EXD3: variants seen among roughly 807,000 people sequenced by gnomAD.
EXD3 encodes the protein exonuclease mut-7 homolog.
A neutral mutation model predicts 98.0 loss-of-function variants in EXD3; 92 were observed. The observed-to-expected ratio is 0.94, with a 90% CI of 0.79 to 1.12. The LOEUF is 1.12. Ranked by LOEUF, EXD3 falls within the 50% of genes most tolerant of loss-of-function variation. The pLI is 0.00. For missense variants in EXD3, 1,222 were observed against 1,191.6 expected, an observed-to-expected ratio of 1.03 and a Z score of -0.38; for synonymous variants, 569 against 526.0, an observed-to-expected ratio of 1.08 and a Z score of -1.12.
chr9:137,330,524 A>G lies in EXD3; in HGVS notation c.1999-6381T>C, dbSNP rs540204260. ...GCTACACAGGACTACGCAGGACCACACAGGAGCTATACAGGAGCTACACAG... is the reference window on the plus strand; with the variant it reads ...GCTACACAGGACTACGCAGGACCACGCAGGAGCTATACAGGAGCTACACAG... On this transcript the variant is annotated intron_variant, in intron 17 of 21. Transcript: ENST00000340951. 2.7e-5 allele frequency among the ~76,000 whole-genome samples: 4 copies of G among 145,672 alleles called. No homozygotes were observed. In the South Asian group the frequency reaches 6.9e-4, roughly 25 times the overall value.
intron 19 of EXD3, among the ~76,000 whole-genome samples, chr9:137,310,009 G>C (rs1301214085): frequency 6.6e-6 from 1 of 152,226 alleles, no homozygotes; most frequent in Admixed American, 6.5e-5. Context: ...ACCAGGTCTG[G>C]GTCCCCCGTG....
At chr9:137,415,099 G>A (rs1215637161) in intron 1 of EXD3, among the ~76,000 whole-genome samples, 1 of 152,060 alleles carries the variant, frequency 6.6e-6, no homozygotes, top group Non-Finnish European at 1.5e-5. Context: ...TGTTGGCCAG[G>A]ATGGTCTTGA....
chr9:137,391,586 G>A (rs1024794223), intron 2 of EXD3, among the ~76,000 whole-genome samples: 5 of 74,932 alleles, frequency 6.7e-5, no homozygotes, highest in South Asian at 4.3e-4. Flanking sequence ...ACCGCCCGCC[G>A]GCCCTGGTGA....
intron 6 of EXD3, among the ~76,000 whole-genome samples, chr9:137,367,395 C>T (rs570698639): frequency 1.6e-4 from 25 of 152,238 alleles, no homozygotes; most frequent in African/African-American, 5.3e-4. Flanking sequence ...TGGCTCTGCC[C>T]GAGGGGTGCT....
Position 137,372,759 on chromosome 9 carries a change from C to T in EXD3, c.462+146G>A, listed in dbSNP as rs1426291775. On this transcript the variant is annotated intron_variant, in intron 5 of 21. Transcript: ENST00000340951. ...CCGGCACCCCGCACACAGCTGATGG[C>T]TGCCCACGGCCGGGTCCTTGATACC... 8.5e-6 allele frequency: 7 copies of T among 822,254 alleles called. No individual in the cohort carries two copies. In the East Asian group the frequency reaches 1.4e-4, roughly 16 times the overall value. 50.9% of individuals were successfully genotyped at this position (822,254 alleles called of 1,614,324 possible).
intron 1 of EXD3, among the ~76,000 whole-genome samples, chr9:137,415,324 C>G (rs992308105): frequency 2.6e-5 from 4 of 152,222 alleles, no homozygotes; most frequent in African/African-American, 9.6e-5. Context: ...CTGCCTCAGC[C>G]TCCTGAGTGG....
At chr9:137,383,428 A>G in intron 2 of EXD3, 51 bp from the exon 3 acceptor site, 1 of 1,375,108 alleles carries the variant, frequency 7.3e-7, no homozygotes, top group Non-Finnish European at 9.9e-7. Flanking sequence ...TGCAGGGGCT[A>G]TCGCACAGCC....
intron 5 of EXD3, among the ~76,000 whole-genome samples, chr9:137,370,966 G>A (rs956332644): frequency 2.0e-5 from 3 of 152,172 alleles, no homozygotes; most frequent in African/African-American, 7.2e-5. Flanking sequence ...CAGCTAATCC[G>A]AGCGGACAGG....
In EXD3 at chr9:137,358,888, G is replaced by A. The variant is rs574610137; in HGVS notation, c.657-2520C>T. On this transcript the variant is annotated intron_variant, in intron 7 of 21. Coordinates refer to ENST00000340951, the MANE Select transcript of EXD3 (RefSeq NM_017820.5). ...TTTTGTAGAGACGGGGTTTTGTCACGTTGCTCAGGCTGGTTTCAAACTCCT... is the reference window on the plus strand; with the variant it reads ...TTTTGTAGAGACGGGGTTTTGTCACATTGCTCAGGCTGGTTTCAAACTCCT... Among the ~76,000 whole-genome samples the A allele has an allele frequency of 1.2e-3, 181 of 150,422 alleles. 1 individual carries two copies. Among genetic ancestry groups the A allele is most frequent in the Non-Finnish European group, 2.2e-3 (151 of 67,730 alleles).
At chr9:137,394,765 T>G (rs1439813003) in intron 2 of EXD3, among the ~76,000 whole-genome samples, 1 of 152,184 alleles carries the variant, frequency 6.6e-6, no homozygotes, top group Admixed American at 6.5e-5. Context: ...TTTCTCTTTT[T>G]TAACCTGAAA....
Position 137,416,835 on chromosome 9 carries a change from C to T in EXD3, c.-48+6279G>A, listed in dbSNP as rs112632672. ...CGCAGGGGTGCTCTTGGAGGCGCCC[C>T]GGGCAGGAGCCGCTCCCACCTGGAG... On this transcript the variant is annotated intron_variant, in intron 1 of 21. Transcript: ENST00000340951. Among the ~76,000 whole-genome samples, 779 of 152,334 alleles carry T rather than the reference C, an allele frequency of 5.1e-3. 6 individuals are homozygous for T. Among genetic ancestry groups the T allele is most frequent in the African/African-American group, 0.018 (738 of 41,580 alleles).
chr9:137,352,506 T>A (rs1564503509), intron 11 of EXD3, 114 bp downstream of exon 11: 1 of 1,130,938 alleles, frequency 8.8e-7, no homozygotes. Flanking sequence ...TTGTTTTGTC[T>A]TGATTTCTAA....
rs1834171574 is a variant in EXD3, at chr9:137,349,946, TGCTAGGGGC to T, written c.1495-424_1495-416del. ...CACCCCCGGGGGGCTCTAGTGCTCATGCTAGGGGCGCTCCACGTGTGTGTCTGGGGTGGC... is the reference window on the plus strand; with the variant it reads ...CACCCCCGGGGGGCTCTAGTGCTCATGCTCCACGTGTGTGTCTGGGGTGGC... On this transcript the variant is annotated intron_variant, in intron 14 of 21. Transcript: ENST00000340951. This position sits in a 1 kb window ranked among gnomAD's most constrained non-coding sequence, Gnocchi z 7.4. 6.7e-6 allele frequency among the ~76,000 whole-genome samples: 1 copy of T among 150,138 alleles called. No homozygotes were observed. The highest frequency in any genetic ancestry group is 1.5e-5 in the Non-Finnish European group (1 of 67,742).
At chr9:137,339,999 A>G (rs1833562660) in intron 17 of EXD3, among the ~76,000 whole-genome samples, 1 of 152,234 alleles carries the variant, frequency 6.6e-6, no homozygotes, top group African/African-American at 2.4e-5. Context: ...TGGACAACCA[A>G]TTCAGTAAGA....
At position 137,371,006 on chromosome 9, in the gene EXD3, G is replaced by A. The variant is rs928198214; in HGVS notation, c.462+1899C>T. Among the ~76,000 whole-genome samples the A allele has an allele frequency of 9.8e-5, 15 of 152,314 alleles. No homozygotes were observed. The highest frequency in any genetic ancestry group is 1.9e-4 in the East Asian group (1 of 5,172). On this transcript the variant is annotated intron_variant, in intron 5 of 21. Transcript: ENST00000340951. This position sits in a 1 kb window ranked among gnomAD's most constrained non-coding sequence, Gnocchi z 8.0. ...AATGCGGCCTCTTTCGGCCGGGCGC[G>A]GCGGTGAGCAGTGGAGCATGCATCG...
At chr9:137,375,663 C>CAT in intron 3 of EXD3, among the ~76,000 whole-genome samples, 1 of 151,756 alleles carries the variant, frequency 6.6e-6, no homozygotes, top group Non-Finnish European at 1.5e-5. Flanking sequence ...CTAGCTCTAG[C>CAT]GAGTTCTAGC....
In EXD3 at chr9:137,383,233, C is replaced by T; in HGVS notation, c.120+80G>A. On this transcript the variant is annotated intron_variant, in intron 3 of 21. Coordinates refer to ENST00000340951, the MANE Select transcript of EXD3 (RefSeq NM_017820.5). ...TGTGCAGCTTCCTGACCAGGGAGGC[C>T]TCCTGTTAGGCCAGTCTCTGCCCAA... The T allele has an allele frequency of 4.9e-6, 6 of 1,229,944 alleles. No homozygotes were observed. The Middle Eastern group carries it at 5.6e-4, about 115-fold the overall frequency. The allele number at this position is 1,229,944 out of a possible 1,614,324, so 76.2% of individuals were successfully genotyped here.
intron 17 of EXD3, among the ~76,000 whole-genome samples, chr9:137,327,388 C>A (rs1832478819): frequency 6.6e-6 from 1 of 152,140 alleles, no homozygotes; most frequent in Non-Finnish European, 1.5e-5. Context: ...CCGCGTCGGC[C>A]TCCCAAAGTG....
intron 5 of EXD3, among the ~76,000 whole-genome samples, chr9:137,368,357 TC>T (rs1469587636): frequency 1.3e-5 from 2 of 152,086 alleles, no homozygotes; most frequent in African/African-American, 4.8e-5. Flanking sequence ...AGCCGTGACC[TC>T]CCACACGACC....
Sources: gnomAD v4.1 joint callset for allele counts (sites outside exome capture counted in the v4.1 genomes callset) on GRCh38, gnomAD v4.1.1 for gene constraint, Gnocchi (gnomAD v3.1) non-coding constraint, MANE v1.5 for transcripts, NCBI Gene and HGNC (gene_info 2026-07-23, HGNC 2026-07-21) for gene names.